TFEC: variants seen among roughly 807,000 people sequenced by gnomAD.
TFEC encodes transcription factor EC, also known as class E basic helix-loop-helix protein 34.
A neutral mutation model predicts 41.6 loss-of-function variants in TFEC; 31 were observed. The ratio of observed to expected loss-of-function variants is 0.74; its 90% confidence interval spans 0.56 to 1.01. The LOEUF is 1.01. TFEC is among the 50% of genes least tolerant of loss of function. TFEC has a pLI of 0.00. For synonymous variants in TFEC, 143 were observed against 140.6 expected (o/e 1.02, Z -0.12); for missense variants, 402 against 404.1 (o/e 0.99, Z 0.04).
intron 3 of TFEC, among the ~76,000 whole-genome samples, chr7:116,051,750 T>C (rs1308543604): frequency 6.6e-6 from 1 of 152,064 alleles, no homozygotes; most frequent in Non-Finnish European, 1.5e-5. Context: ...GCTACAAACA[T>C]TTATTGAATA....
At chr7:116,011,418 TC>T (rs1261861476) in intron 1 of TFEC, among the ~76,000 whole-genome samples, 1 of 152,104 alleles carries the variant, frequency 6.6e-6, no homozygotes, top group Non-Finnish European at 1.5e-5. Flanking sequence ...TTTTAAGACT[TC>T]CCTGTATATA....
intron 1 of TFEC, among the ~76,000 whole-genome samples, chr7:116,127,709 A>AG (rs60816269): frequency 6.6e-6 from 1 of 150,710 alleles, no homozygotes; most frequent in Non-Finnish European, 1.5e-5. Context: ...AAAAAAAAAA[A>AG]GATAAGAATA....
At chr7:116,050,602 A>G (rs1796285356) in intron 3 of TFEC, among the ~76,000 whole-genome samples, 1 of 152,234 alleles carries the variant, frequency 6.6e-6, no homozygotes, top group African/African-American at 2.4e-5. Flanking sequence ...ATGAGATACC[A>G]TCTCACACCA....
At chr7:116,110,896 C>T in exon 3 of TFEC, 5 of 1,533,260 alleles carry the variant, frequency 3.3e-6, no homozygotes, top group Non-Finnish European at 4.4e-6. Flanking sequence ...CCAGTTAAAG[C>T]TTGTAACATA....
intron 1 of TFEC, among the ~76,000 whole-genome samples, chr7:116,014,573 T>C (rs965910303): frequency 3.3e-5 from 5 of 152,150 alleles, no homozygotes; most frequent in Non-Finnish European, 7.4e-5. Context: ...CTTTTTAATC[T>C]TTTTTCCAGT....
At chr7:116,018,494 G>A (rs1048338972) in intron 1 of TFEC, among the ~76,000 whole-genome samples, 22 of 152,120 alleles carry the variant, frequency 1.4e-4, no homozygotes, top group African/African-American at 4.6e-4. Flanking sequence ...AAGAAAGGGT[G>A]ACTAATTAAG....
At chr7:116,024,469 A>G (rs1027373309) in intron 1 of TFEC, among the ~76,000 whole-genome samples, 1 of 152,142 alleles carries the variant, frequency 6.6e-6, no homozygotes, top group African/African-American at 2.4e-5. Flanking sequence ...AAATTTACCT[A>G]TCCTTCACAA....
At chr7:116,130,233 A>G (rs1456110654) in intron 1 of TFEC, among the ~76,000 whole-genome samples, 1 of 152,182 alleles carries the variant, frequency 6.6e-6, no homozygotes, top group Non-Finnish European at 1.5e-5. Context: ...ACAGAGTGCT[A>G]GAAGTTTGTT....
chr7:115,943,075 A>G (rs899411725), intron 6 of TFEC, among the ~76,000 whole-genome samples: 2 of 152,062 alleles, frequency 1.3e-5, no homozygotes, highest in Non-Finnish European at 2.9e-5. Flanking sequence ...ACATTTTTCT[A>G]CCAGCAGGTG....
chr7:116,152,224 C>T (rs1798776469), intron 1 of TFEC, among the ~76,000 whole-genome samples: 1 of 152,064 alleles, frequency 6.6e-6, no homozygotes, highest in Non-Finnish European at 1.5e-5. Context: ...TCAAAGAAAA[C>T]ATATGAAACA....
intron 1 of TFEC, among the ~76,000 whole-genome samples, chr7:116,136,415 T>C (rs1798434009): frequency 6.6e-6 from 1 of 151,982 alleles, no homozygotes; most frequent in Admixed American, 6.6e-5. Flanking sequence ...TAGAACATAG[T>C]GCTAAGATTT....
upstream of TFEC, among the ~76,000 whole-genome samples, chr7:116,031,056 TATC>T (rs1189475151): frequency 1.3e-5 from 2 of 152,120 alleles, no homozygotes; most frequent in Non-Finnish European, 2.9e-5. Flanking sequence ...ACATGGTTGT[TATC>T]ATAATGGACT....
intron 6 of TFEC, among the ~76,000 whole-genome samples, chr7:115,947,210 G>T (rs555487565): frequency 5.4e-4 from 82 of 151,224 alleles, no homozygotes; most frequent in African/African-American, 1.9e-3. Context: ...TGAGAATGAT[G>T]ATTTCCAATT....
chr7:116,154,727 T>C (rs938561187), intron 1 of TFEC, among the ~76,000 whole-genome samples: 2 of 152,224 alleles, frequency 1.3e-5, no homozygotes, highest in Admixed American at 6.5e-5. Flanking sequence ...AAACCAGATA[T>C]ATCCCTGCAA....
intron 1 of TFEC, among the ~76,000 whole-genome samples, chr7:116,001,758 G>A (rs781313808): frequency 1.5e-4 from 23 of 151,988 alleles, no homozygotes; most frequent in Non-Finnish European, 2.8e-4. Context: ...TCTGACATGG[G>A]ATTAATAAAC....
intron 1 of TFEC, among the ~76,000 whole-genome samples, chr7:116,147,340 A>C (rs1260014316): frequency 1.3e-5 from 2 of 152,242 alleles, no homozygotes; most frequent in East Asian, 3.8e-4. Flanking sequence ...TTCTTAAAAC[A>C]TCCAAAAGGA....
intron 1 of TFEC, among the ~76,000 whole-genome samples, chr7:115,994,493 C>T (rs1794271964): frequency 1.3e-5 from 2 of 152,188 alleles, no homozygotes; most frequent in Non-Finnish European, 2.9e-5. Flanking sequence ...CTACAAAGAA[C>T]TCACACAAAT....
intron 1 of TFEC, among the ~76,000 whole-genome samples, chr7:116,159,031 C>T (rs958207755): frequency 1.3e-5 from 2 of 151,680 alleles, no homozygotes; most frequent in Non-Finnish European, 2.9e-5. Flanking sequence ...GTGTTTTATA[C>T]CATTCATATA....
chr7:116,131,742 C>G (rs1029978468), intron 1 of TFEC, among the ~76,000 whole-genome samples: 2 of 152,138 alleles, frequency 1.3e-5, no homozygotes, highest in Admixed American at 6.5e-5. Context: ...ATCATCTCCA[C>G]TCCCCTTAAA....
Sources: gnomAD v4.1 joint callset for allele counts (sites outside exome capture counted in the v4.1 genomes callset) on GRCh38, gnomAD v4.1.1 for gene constraint, MANE v1.5 for transcripts, NCBI Gene and HGNC (gene_info 2026-07-23, HGNC 2026-07-21) for gene names.